DOCK11: variants seen among roughly 807,000 people sequenced by gnomAD.
DOCK11 encodes dedicator of cytokinesis protein 11.
A neutral mutation model predicts 169.1 loss-of-function variants in DOCK11; 70 were observed. The ratio of observed to expected loss-of-function variants is 0.41; its 90% confidence interval spans 0.34 to 0.51. DOCK11 has a LOEUF of 0.51. DOCK11 is among the 20% of genes least tolerant of loss of function. The pLI is 0.10. For missense variants in DOCK11, 1,166 were observed against 1,538.8 expected (o/e 0.76, Z 4.05); for synonymous variants, 529 against 541.3 (o/e 0.98, Z 0.32).
intron 6 of DOCK11, among the ~76,000 whole-genome samples, chrX:118,553,693 T>C (rs1983037837): frequency 8.9e-6 from 1 of 111,857 alleles, no homozygotes; most frequent in South Asian, 3.7e-4. Context: ...GGATTTGACC[T>C]AAGAAAGCAC....
At chrX:118,668,067 A>G (rs2016379757) in intron 45 of DOCK11, among the ~76,000 whole-genome samples, 1 of 111,972 alleles carries the variant, frequency 8.9e-6, no homozygotes, top group Admixed American at 9.5e-5. Context: ...TGCCATATGC[A>G]CGGAACAATT....
At chrX:118,584,980 G>T in intron 15 of DOCK11, 61 bp from the exon 16 acceptor site, 2 of 1,139,122 alleles carry the variant, frequency 1.8e-6, no homozygotes, top group South Asian at 1.9e-5. Flanking sequence ...TTGGATAGAG[G>T]GTAACCAGTG....
At chrX:118,517,438 A>G (rs1301141741) in intron 1 of DOCK11, among the ~76,000 whole-genome samples, 1 of 108,111 alleles carries the variant, frequency 9.2e-6, no homozygotes, top group Non-Finnish European at 1.9e-5. Context: ...TGGTGGGATT[A>G]TGTTATGAGG....
chrX:118,643,686 A>G, intron 40 of DOCK11, 92 bp downstream of exon 40: 2 of 984,673 alleles, frequency 2.0e-6, no homozygotes, highest in Non-Finnish European at 1.4e-6. Context: ...GACATATACA[A>G]TGCCAGCTCA....
intron 1 of DOCK11, among the ~76,000 whole-genome samples, chrX:118,511,741 C>T (rs1000607055): frequency 1.8e-5 from 2 of 110,530 alleles, no homozygotes; most frequent in East Asian, 5.7e-4. Flanking sequence ...AGGAGGAGGG[C>T]GTTGCTGGAG....
chrX:118,653,460 T>G, intron 42 of DOCK11, among the ~76,000 whole-genome samples: 1 of 111,569 alleles, frequency 9.0e-6, no homozygotes, highest in Non-Finnish European at 1.9e-5. Context: ...TTGCCCAGGC[T>G]GGAGTGCAAT....
Position 118,588,132 on chromosome X carries a change from T to A in DOCK11, c.1796-5T>A, listed in dbSNP as rs768784296. 8.5e-7 allele frequency: 1 copy of A among 1,171,775 alleles called. No homozygotes were observed. Among genetic ancestry groups the A allele is most frequent in the Non-Finnish European group, 1.1e-6 (1 of 877,818 alleles). ...GATCTTTGCCTGTTTTTTTCCCTGC[T>A]ATAGATTGTATTACTTCTTCATATG... On this transcript the variant is annotated splice_region_variant and splice_polypyrimidine_tract_variant and intron_variant, in intron 16 of 52. Transcript: ENST00000276202.
intron 10 of DOCK11, among the ~76,000 whole-genome samples, chrX:118,571,374 A>G (rs900369456): frequency 9.3e-6 from 1 of 107,525 alleles, no homozygotes; most frequent in African/African-American, 3.4e-5. Flanking sequence ...TTTCTGAGAC[A>G]GGATCTCACT....
rs746302094 is a variant in DOCK11, at chrX:118,680,447, TA to T, written c.5461-31del. 1.1e-5 allele frequency: 9 copies of T among 830,460 alleles called. No homozygotes were observed. The Admixed American group carries it at 2.2e-4, about 20-fold the overall frequency. The allele number at this position is 830,460 out of a possible 1,213,427, so 68.4% of individuals were successfully genotyped here. On this transcript the variant is annotated intron_variant, in intron 48 of 52. Transcript: ENST00000276202. ...CCACTGAATAAAATAAAAAATAAAA[TA>T]AAATAAATAAATAAAAACTTTCTTA...
chrX:118,626,222 C>A (rs1201534664), intron 32 of DOCK11, among the ~76,000 whole-genome samples: 1 of 98,921 alleles, frequency 1.0e-5, no homozygotes, highest in South Asian at 5.5e-4. Context: ...TGCGCCACCA[C>A]GCCCGGCTAA....
chrX:118,581,805 T>TAAAAAAAAAA lies in DOCK11; in HGVS notation c.1595+1652_1595+1661dup, dbSNP rs35095116. 5.5e-4 allele frequency among the ~76,000 whole-genome samples: 7 copies of TAAAAAAAAAA among 12,744 alleles called. 1 individual carries two copies. The highest frequency in any genetic ancestry group is 1.2e-3 in the Admixed American group (1 of 848). 11.1% of individuals were successfully genotyped at this position (12,744 alleles called of 115,157 possible). A position where few individuals can be genotyped will look rare whatever the true frequency, so the allele number is the denominator to read the frequency against. On this transcript the variant is annotated intron_variant, in intron 14 of 52. Coordinates refer to ENST00000276202, the MANE Select transcript of DOCK11 (RefSeq NM_144658.4). ...GGCGACAGAGCGAGACTCCGTCTCC[T>TAAAAAAAAAA]AAAAAAAAAAAAAAAAAAAAAAAAA...
intron 1 of DOCK11, among the ~76,000 whole-genome samples, chrX:118,501,837 C>T (rs1370393530): frequency 1.8e-5 from 2 of 111,816 alleles, no homozygotes. Flanking sequence ...TCCCCTCTCC[C>T]ATGCCAACGC....
intron 39 of DOCK11, among the ~76,000 whole-genome samples, chrX:118,643,224 A>T (rs1304835461): frequency 8.9e-6 from 1 of 111,763 alleles, no homozygotes; most frequent in Non-Finnish European, 1.9e-5. Context: ...GCTGTGTTGC[A>T]TTGAAAAAAA....
chrX:118,544,686 G>GTTTTTTTTTTTTTTTTTTTT (rs2012186981), intron 4 of DOCK11, among the ~76,000 whole-genome samples: 1 of 45,581 alleles, frequency 2.2e-5, no homozygotes, highest in Non-Finnish European at 3.8e-5. Flanking sequence ...TTGAGACAGA[G>GTTTTTTTTTTTTTTTTTTTT]TTTCGCTCTT....
chrX:118,624,610 A>T lies in DOCK11; in HGVS notation c.3543A>T (p.Leu1181Phe). The T allele has an allele frequency of 8.3e-7, 1 of 1,208,683 alleles. No homozygotes were observed. Residue 1181 changes from leucine (L) to phenylalanine (F), a missense_variant, in exon 32 of 53, where the codon TTA becomes TTT. By Grantham distance (22) the Leu-to-Phe change is conservative (BLOSUM62 0). Coordinates refer to ENST00000276202, the MANE Select transcript of DOCK11 (RefSeq NM_144658.4). ...TACTTTTGGAAAATATACAGCGATT[A>T]GCAGGTCGAGATACCTTGTATTCTT... ...VGLLLENIQR[L>F]AGRDTLYSCA...
At chrX:118,554,367 T>C (rs2012604591) in intron 6 of DOCK11, among the ~76,000 whole-genome samples, 1 of 110,701 alleles carries the variant, frequency 9.0e-6, no homozygotes, top group Non-Finnish European at 1.9e-5. Context: ...CTGGCCAACA[T>C]AGTGAAACCC....
At chrX:118,672,526 G>C (rs756934258) in intron 46 of DOCK11, among the ~76,000 whole-genome samples, 1 of 112,662 alleles carries the variant, frequency 8.9e-6, no homozygotes, top group Non-Finnish European at 1.9e-5. Context: ...TCCACCTCCC[G>C]GGTTCACGCC....
At position 118,643,578 on chromosome X, in the gene DOCK11, G is replaced by A; in HGVS notation, c.4382G>A (p.Arg1461Lys). 8.3e-7 allele frequency: 1 copy of A among 1,210,964 alleles called. No homozygotes were observed. Among genetic ancestry groups the A allele is most frequent in the Non-Finnish European group, 1.1e-6 (1 of 895,126 alleles). The part of the protein sequence containing the change: ...VSLKHVFASL[R>K]AFISKFPSAF... ...CTGAAACATGTATTTGCCTCACTGAGAGCTTTCATCAGTAAGGTAAGGACA... is the reference window on the plus strand; with the variant it reads ...CTGAAACATGTATTTGCCTCACTGAAAGCTTTCATCAGTAAGGTAAGGACA... The change falls in exon 40 of 53, where the codon AGA becomes AAA. Residue 1461 changes from arginine (R) to lysine (K), a missense_variant. Transcript: ENST00000276202.
At chrX:118,570,758 T>C (rs1046282869) in intron 10 of DOCK11, among the ~76,000 whole-genome samples, 1 of 112,109 alleles carries the variant, frequency 8.9e-6, no homozygotes, top group Non-Finnish European at 1.9e-5. Context: ...CTACAATGTC[T>C]ATGGCCTTAA....
Sources: gnomAD v4.1 joint callset for allele counts (sites outside exome capture counted in the v4.1 genomes callset) on GRCh38, gnomAD v4.1.1 for gene constraint, MANE v1.5 for transcripts, NCBI Gene and HGNC (gene_info 2026-07-23, HGNC 2026-07-21) for gene names.